The following KCNQ1 variants were observed in gnomAD, a reference collection of about 807,000 sequenced individuals.
The protein encoded by KCNQ1 is potassium voltage-gated channel subfamily KQT member 1.
KCNQ1 carries 49 observed loss-of-function variants against 72.4 expected under a neutral mutation model. The observed-to-expected ratio is 0.68, with a 90% CI of 0.54 to 0.86. KCNQ1 has a LOEUF of 0.86. Among genes scored for constraint, KCNQ1 ranks in the 40% least tolerant of loss-of-function variants. The pLI is 0.00. For synonymous variants in KCNQ1, 450 were observed against 412.6 expected, an observed-to-expected ratio of 1.09 and a Z score of -1.10; for missense variants, 790 against 945.1, an observed-to-expected ratio of 0.84 and a Z score of 2.15.
In KCNQ1 at chr11:2,508,121, C is replaced by G. The variant is rs1042724319; in HGVS notation, c.387-19807C>G. Among the ~76,000 whole-genome samples the G allele has an allele frequency of 1.3e-5, 2 of 152,080 alleles. No individual in the cohort carries two copies. Among genetic ancestry groups the G allele is most frequent in the Admixed American group, 1.3e-4 (2 of 15,276 alleles). Reference sequence around the variant, plus strand: ...TGGGCCCCAGCAGGGGTCTGTGTTGCCTTGGCCCCACGGCAGTGGAGCTGG... The same window carrying G: ...TGGGCCCCAGCAGGGGTCTGTGTTGGCTTGGCCCCACGGCAGTGGAGCTGG... On this transcript the variant is annotated intron_variant, in intron 1 of 15. Coordinates refer to ENST00000155840, the MANE Select transcript of KCNQ1 (RefSeq NM_000218.3). This position sits in a 1 kb window ranked among gnomAD's most constrained non-coding sequence, Gnocchi z 6.2.
chr11:2,742,611 C>T (rs757698992), intron 11 of KCNQ1, among the ~76,000 whole-genome samples: 83 of 152,330 alleles, frequency 5.4e-4, no homozygotes, highest in South Asian at 1.0e-3. Context: ...GAATGTTTAC[C>T]GATTTGGTTT....
chr11:2,813,604 AG>A lies in KCNQ1; in HGVS notation c.1795-34161del, dbSNP rs1410668230. 6.6e-6 allele frequency among the ~76,000 whole-genome samples: 1 copy of A among 152,018 alleles called. No individual in the cohort carries two copies. The highest frequency in any genetic ancestry group is 1.5e-5 in the Non-Finnish European group (1 of 68,016). On this transcript the variant is annotated intron_variant, in intron 15 of 15. Transcript: ENST00000155840. This position sits in a 1 kb window ranked among gnomAD's most constrained non-coding sequence, Gnocchi z 4.4. ...CTCTGTCGAGGGGGCAGGGACTCAA[AG>A]GATGAGAGAAGGAACAGAGGGGAGG...
rs1327528964 is a variant in KCNQ1 at position 2,602,822 on chromosome 11, T to C, written c.1393+13968T>C. On this transcript the variant is annotated intron_variant, in intron 10 of 15. Transcript: ENST00000155840. This position sits in a 1 kb window ranked among gnomAD's most constrained non-coding sequence, Gnocchi z 4.8. ...GATGTTTATATATTCTAGATACTTA[T>C]CTTAAGTCAGAAACAGGGTGCAAAT... Among the ~76,000 whole-genome samples, 22 of 152,278 alleles carry C rather than the reference T, an allele frequency of 1.4e-4. No individual in the cohort carries two copies. The highest frequency in any genetic ancestry group is 7.4e-5 in the Non-Finnish European group (5 of 68,004).
intron 11 of KCNQ1, among the ~76,000 whole-genome samples, chr11:2,705,665 G>T (rs1011378735): frequency 2.0e-5 from 3 of 152,214 alleles, no homozygotes; most frequent in Admixed American, 6.5e-5. Context: ...CCCTCAGCCT[G>T]CCAGGGAAAA....
rs948335400 is a variant in KCNQ1, at chr11:2,674,235, G to A, written c.1514+12154G>A. 6.0e-5 allele frequency: 24 copies of A among 398,632 alleles called. No individual in the cohort carries two copies. The Admixed American group carries it at 8.4e-4, about 14-fold the overall frequency. The allele number at this position is 398,632 out of a possible 1,614,324, so 24.7% of individuals were successfully genotyped here. Reference sequence around the variant, plus strand: ...TTTCTTGGGGCCCAGATAGATGTGAGCAGAGCTGGAGGCCCCTCTCTCCCA... The same window carrying A: ...TTTCTTGGGGCCCAGATAGATGTGAACAGAGCTGGAGGCCCCTCTCTCCCA... On this transcript the variant is annotated intron_variant, in intron 11 of 15. Coordinates refer to ENST00000155840, the MANE Select transcript of KCNQ1 (RefSeq NM_000218.3). The surrounding 1 kb of genome is among the most constrained non-coding windows in gnomAD (Gnocchi z 5.9).
At chr11:2,619,666 G>A (rs1006389922) in intron 10 of KCNQ1, 9 of 396,196 alleles carry the variant, frequency 2.3e-5, no homozygotes, top group Non-Finnish European at 3.1e-5. Context: ...GTATCAAGGT[G>A]ATGCTGGCCT....
rs566027173 is a variant in KCNQ1, at chr11:2,447,274, G to A, written c.386+1790G>A. Among the ~76,000 whole-genome samples, 2 of 152,326 alleles carry A rather than the reference G, an allele frequency of 1.3e-5. No individual in the cohort carries two copies. Among genetic ancestry groups the A allele is most frequent in the South Asian group, 2.1e-4 (1 of 4,826 alleles). ...CAGCCTCCGCAGAGCTGGCAAGGCAGGGGTGGCTTCTGGGGACAGGGGCAG... is the reference window on the plus strand; with the variant it reads ...CAGCCTCCGCAGAGCTGGCAAGGCAAGGGTGGCTTCTGGGGACAGGGGCAG... On this transcript the variant is annotated intron_variant, in intron 1 of 15. Coordinates refer to ENST00000155840, the MANE Select transcript of KCNQ1 (RefSeq NM_000218.3). The surrounding 1 kb of genome is among the most constrained non-coding windows in gnomAD (Gnocchi z 7.6).
chr11:2,519,782 C>T (rs1450204914), intron 1 of KCNQ1, among the ~76,000 whole-genome samples: 1 of 129,952 alleles, frequency 7.7e-6, no homozygotes, highest in Non-Finnish European at 1.6e-5. Context: ...GGCCCCCCCC[C>T]ACAACATTGG....
chr11:2,681,595 T>G (rs538637286), intron 11 of KCNQ1: 61 of 398,488 alleles, frequency 1.5e-4, no homozygotes, highest in Middle Eastern at 6.3e-4. Context: ...CTAGCTTGCT[T>G]GCTCACTCGC....
rs1041358983 is a variant in KCNQ1, at chr11:2,703,537, C to T, written c.1514+41456C>T. ...CAGCTGAAGAGAATTAGGCTCAAAA[C>T]GTCCACTCGGCTTTTCTCTTGATTC... On this transcript the variant is annotated intron_variant, in intron 11 of 15. Transcript: ENST00000155840. This position sits in a 1 kb window ranked among gnomAD's most constrained non-coding sequence, Gnocchi z 6.4. Among the ~76,000 whole-genome samples the T allele has an allele frequency of 1.3e-5, 2 of 152,188 alleles. No homozygotes were observed. The highest frequency in any genetic ancestry group is 2.9e-5 in the Non-Finnish European group (2 of 68,036).
In KCNQ1 at chr11:2,603,752, G is replaced by A. The variant is rs191359994; in HGVS notation, c.1393+14898G>A. On this transcript the variant is annotated intron_variant, in intron 10 of 15. Coordinates refer to ENST00000155840, the MANE Select transcript of KCNQ1 (RefSeq NM_000218.3). The surrounding 1 kb of genome is among the most constrained non-coding windows in gnomAD (Gnocchi z 4.1). ...GTCGCCCAGGCTGGAGTGCAGTGGCGCGATGTCGGCTCACTGCAACCTCCG... is the reference window on the plus strand; with the variant it reads ...GTCGCCCAGGCTGGAGTGCAGTGGCACGATGTCGGCTCACTGCAACCTCCG... Among the ~76,000 whole-genome samples, 2 of 151,682 alleles carry A rather than the reference G, an allele frequency of 1.3e-5. No individual in the cohort carries two copies. Among genetic ancestry groups the A allele is most frequent in the African/African-American group, 4.8e-5 (2 of 41,336 alleles).
rs1846528022 is a variant in KCNQ1 at position 2,768,014 on chromosome 11, T to A, written c.1515-830T>A. On this transcript the variant is annotated intron_variant, in intron 11 of 15. Transcript: ENST00000155840. This position sits in a 1 kb window ranked among gnomAD's most constrained non-coding sequence, Gnocchi z 6.7. ...GGAAACGCTCGGATGCAGGCGCAGCTCAGTTCATTTCCTTTCTATGTGGGA... is the reference window on the plus strand; with the variant it reads ...GGAAACGCTCGGATGCAGGCGCAGCACAGTTCATTTCCTTTCTATGTGGGA... Among the ~76,000 whole-genome samples the A allele has an allele frequency of 6.6e-6, 1 of 152,190 alleles. No individual in the cohort carries two copies. The highest frequency in any genetic ancestry group is 1.5e-5 in the Non-Finnish European group (1 of 68,032).
chr11:2,506,586 A>G (rs182448708), intron 1 of KCNQ1, among the ~76,000 whole-genome samples: 21 of 152,328 alleles, frequency 1.4e-4, no homozygotes, highest in African/African-American at 4.1e-4. Flanking sequence ...GGATGTTCCT[A>G]TTGTTGGAGG....
chr11:2,790,599 T>A (rs1847001266), intron 15 of KCNQ1, among the ~76,000 whole-genome samples: 1 of 152,204 alleles, frequency 6.6e-6, no homozygotes, highest in South Asian at 2.1e-4. Context: ...AGCCAGTGGC[T>A]GGGGTGCAAG....
Position 2,658,051 on chromosome 11 carries a change from T to C in KCNQ1, c.1394-3910T>C. 1 of 398,554 alleles carries C rather than the reference T, an allele frequency of 2.5e-6. No individual in the cohort carries two copies. The highest frequency in any genetic ancestry group is 4.4e-6 in the Non-Finnish European group (1 of 226,046). The allele number at this position is 398,554 out of a possible 1,614,324, so 24.7% of individuals were successfully genotyped here. On this transcript the variant is annotated intron_variant, in intron 10 of 15. Transcript: ENST00000155840. The surrounding 1 kb of genome is among the most constrained non-coding windows in gnomAD (Gnocchi z 4.9). ...GTCTTTAGAAGCGAGTCACTAAGTA[T>C]AGCCCACACTCAAGGTGGGGAAGGG...
In KCNQ1 at chr11:2,668,364, C is replaced by G; in HGVS notation, c.1514+6283C>G. 2.5e-6 allele frequency: 1 copy of G among 398,616 alleles called. No homozygotes were observed. The highest frequency in any genetic ancestry group is 4.4e-5 in the Admixed American group (1 of 22,740). 24.7% of individuals were successfully genotyped at this position (398,616 alleles called of 1,614,324 possible). On this transcript the variant is annotated intron_variant, in intron 11 of 15. Coordinates refer to ENST00000155840, the MANE Select transcript of KCNQ1 (RefSeq NM_000218.3). The surrounding 1 kb of genome is among the most constrained non-coding windows in gnomAD (Gnocchi z 4.3). ...GGTCCTGGGTGGGCATATGTTTACT[C>G]TTAGTGAATACTACCCAGCAGTCTA...
Position 2,626,756 on chromosome 11 carries a change from T to C in KCNQ1, c.1394-35205T>C. 2.5e-6 allele frequency: 1 copy of C among 398,516 alleles called. No homozygotes were observed. Among genetic ancestry groups the C allele is most frequent in the Non-Finnish European group, 4.4e-6 (1 of 226,080 alleles). The allele number at this position is 398,516 out of a possible 1,614,324, so 24.7% of individuals were successfully genotyped here. On this transcript the variant is annotated intron_variant, in intron 10 of 15. Transcript: ENST00000155840. This position sits in a 1 kb window ranked among gnomAD's most constrained non-coding sequence, Gnocchi z 4.0. ...GTTCCCCAGGCTGGTCTCAAACTCC[T>C]GGACTCAGAAGTCCTCCCACCTCAG...
At chr11:2,586,522 G>A (rs1005397659) in intron 8 of KCNQ1, among the ~76,000 whole-genome samples, 3 of 152,324 alleles carry the variant, frequency 2.0e-5, no homozygotes, top group Admixed American at 2.0e-4. Flanking sequence ...TTTGAAAGGG[G>A]TTCCCTCGGA....
chr11:2,846,238 G>A (rs966873974), intron 15 of KCNQ1, among the ~76,000 whole-genome samples: 1 of 152,176 alleles, frequency 6.6e-6, no homozygotes, highest in Non-Finnish European at 1.5e-5. Flanking sequence ...CTGTGCTTAG[G>A]GCCAGTGGTT....
Sources: gnomAD v4.1 joint callset for allele counts (sites outside exome capture counted in the v4.1 genomes callset) on GRCh38, gnomAD v4.1.1 for gene constraint, Gnocchi (gnomAD v3.1) non-coding constraint, MANE v1.5 for transcripts, NCBI Gene and HGNC (gene_info 2026-07-23, HGNC 2026-07-21) for gene names.